SCP2: variants seen among roughly 807,000 people sequenced by gnomAD.
SCP2 encodes SCP-2/3-oxoacyl-CoA thiolase.
In SCP2, 48 loss-of-function variants were observed where a neutral mutation model predicts 71.4. The ratio of observed to expected loss-of-function variants is 0.67; its 90% confidence interval spans 0.53 to 0.86. The LOEUF is 0.86. Ranked by LOEUF, SCP2 falls within the 40% of genes least tolerant of loss-of-function variation. The pLI is 0.00. For missense variants in SCP2, 560 were observed against 655.6 expected (o/e 0.85, Z 1.59); for synonymous variants, 220 against 218.1 (o/e 1.01, Z -0.08).
chr1:52,998,496 C>T (rs115816054), intron 11 of SCP2, among the ~76,000 whole-genome samples: 5,657 of 151,712 alleles, frequency 0.037, 210 homozygotes, highest in East Asian at 0.2. Flanking sequence ...CCCAAGAGGC[C>T]GAGGTAGGGG....
chr1:52,961,269 A>C (rs1656418845), intron 5 of SCP2, among the ~76,000 whole-genome samples: 1 of 151,240 alleles, frequency 6.6e-6, no homozygotes, highest in East Asian at 1.9e-4. Context: ...ACTGGCACAT[A>C]CTGGATGCCC....
chr1:53,020,854 T>A (rs147624894), intron 12 of SCP2, among the ~76,000 whole-genome samples: 1 of 152,146 alleles, frequency 6.6e-6, no homozygotes, highest in East Asian at 1.9e-4. Context: ...GAGTAGCTGA[T>A]TACAAATGAA....
intron 14 of SCP2, among the ~76,000 whole-genome samples, chr1:53,041,620 G>A (rs1009573183): frequency 8.5e-5 from 13 of 152,172 alleles, no homozygotes; most frequent in Admixed American, 6.5e-4. Context: ...TGTTGCCACT[G>A]TCTAAGTGAG....
At chr1:53,035,886 A>G (rs944562272) in intron 13 of SCP2, among the ~76,000 whole-genome samples, 3 of 151,828 alleles carry the variant, frequency 2.0e-5, no homozygotes, top group Non-Finnish European at 4.4e-5. Flanking sequence ...CGGGCGTGGT[A>G]GCGGGCGCCT....
At chr1:52,933,538 T>C (rs1314250073) in intron 1 of SCP2, among the ~76,000 whole-genome samples, 1 of 152,254 alleles carries the variant, frequency 6.6e-6, no homozygotes, top group Non-Finnish European at 1.5e-5. Context: ...GGGAACCTAC[T>C]CATTGTCTTG....
At chr1:52,975,265 C>T (rs1473274186) in intron 7 of SCP2, among the ~76,000 whole-genome samples, 2 of 152,098 alleles carry the variant, frequency 1.3e-5, no homozygotes, top group East Asian at 3.9e-4. Context: ...ACTGCAACCT[C>T]TGTGCCCTGG....
At chr1:52,993,375 C>A in intron 11 of SCP2, 2 of 1,614,174 alleles carry the variant, frequency 1.2e-6, no homozygotes, top group Non-Finnish European at 1.7e-6. Context: ...AGTTGCCGTG[C>A]TAACTGCCGT....
intron 11 of SCP2, among the ~76,000 whole-genome samples, chr1:53,011,012 A>G (rs1660956846): frequency 6.6e-6 from 1 of 152,178 alleles, no homozygotes; most frequent in Admixed American, 6.5e-5. Context: ...GTCTCTTCAC[A>G]TGGACGTGCG....
intron 1 of SCP2, among the ~76,000 whole-genome samples, chr1:52,938,281 T>C (rs572584034): frequency 7.9e-5 from 12 of 152,336 alleles, no homozygotes; most frequent in Admixed American, 1.3e-4. Context: ...TTGCTTCACT[T>C]ATGTATGTAT....
rs540995660 is a variant in SCP2, at chr1:53,006,140, A to T, written c.1082-8750A>T. 1.8e-4 allele frequency among the ~76,000 whole-genome samples: 27 copies of T among 152,346 alleles called. No individual in the cohort carries two copies. The East Asian group carries it at 3.7e-3, about 21-fold the overall frequency. Reference sequence around the variant, plus strand: ...AATATGGGACTATGTGAAAAGACCAAATCTACGTCTGACTGGTGTACCTGA... The same window carrying T: ...AATATGGGACTATGTGAAAAGACCATATCTACGTCTGACTGGTGTACCTGA... On this transcript the variant is annotated intron_variant, in intron 11 of 15. Transcript: ENST00000371514.
At chr1:53,001,022 C>T (rs1290649108) in intron 11 of SCP2, among the ~76,000 whole-genome samples, 3 of 151,930 alleles carry the variant, frequency 2.0e-5, no homozygotes, top group African/African-American at 7.3e-5. Context: ...TGTTCCTGTC[C>T]TACCCTTAGA....
Position 52,988,118 on chromosome 1 carries a change from C to T in SCP2, c.1063C>T (p.His355Tyr). 1 of 1,569,874 alleles carries T rather than the reference C, an allele frequency of 6.4e-7. No individual in the cohort carries two copies. Among genetic ancestry groups the T allele is most frequent in the East Asian group, 2.2e-5 (1 of 44,576 alleles). ...NPSGGLISKG[H>Y]PLGATGLAQC... ...TAGTGGTGGACTGATTTCAAAGGGA[C>T]ACCCACTAGGCGCTACAGGTAATGC... Residue 355 changes from histidine to tyrosine, a missense_variant, in exon 11 of 16, where the codon CAC becomes TAC. Around this residue, in one of 3 missense-constraint regions of SCP2, gnomAD observed 513 missense variants for 573.1 expected, o/e 0.90. Transcript: ENST00000371514.
chr1:53,038,264 A>ATATGT (rs778652721), intron 13 of SCP2, among the ~76,000 whole-genome samples: 12,470 of 151,574 alleles, frequency 0.082, 950 homozygotes, highest in Admixed American at 0.19. Context: ...ACACACACAC[A>ATATGT]CACGGAGAAG....
chr1:52,951,323 A>C (rs1655279638), intron 4 of SCP2, among the ~76,000 whole-genome samples: 1 of 151,958 alleles, frequency 6.6e-6, no homozygotes, highest in Non-Finnish European at 1.5e-5. Context: ...TTTATCAGCC[A>C]GGCATGGTGG....
At chr1:52,981,484 T>G (rs1572133771) in intron 10 of SCP2, among the ~76,000 whole-genome samples, 1 of 151,752 alleles carries the variant, frequency 6.6e-6, no homozygotes, top group East Asian at 1.9e-4. Flanking sequence ...TCACCCAGGC[T>G]GGAGTGCAAT....
chr1:52,993,667 T>G (rs971141646), intron 11 of SCP2: 1 of 1,612,198 alleles, frequency 6.2e-7, no homozygotes, highest in African/African-American at 1.3e-5. Flanking sequence ...TGTAAGAATC[T>G]TCATTGGTTG....
chr1:53,017,061 A>G (rs1319054478), intron 12 of SCP2, among the ~76,000 whole-genome samples: 1 of 152,250 alleles, frequency 6.6e-6, no homozygotes, highest in Non-Finnish European at 1.5e-5. Context: ...TTGAACATGA[A>G]TATCAACTTT....
chr1:52,958,024 A>G (rs1006983867), intron 5 of SCP2, among the ~76,000 whole-genome samples: 1 of 152,068 alleles, frequency 6.6e-6, no homozygotes, highest in Non-Finnish European at 1.5e-5. Flanking sequence ...TTTGTTGAAA[A>G]GATTATCTTT....
chr1:52,949,352 T>C (rs552929974), intron 3 of SCP2, among the ~76,000 whole-genome samples: 6 of 152,330 alleles, frequency 3.9e-5, no homozygotes, highest in African/African-American at 1.4e-4. Flanking sequence ...CATGTCTACC[T>C]TGGTGGTCAT....
Sources: gnomAD v4.1 joint callset for allele counts (sites outside exome capture counted in the v4.1 genomes callset) on GRCh38, gnomAD v4.1.1 for gene constraint, gnomAD v4.1.1 regional missense constraint, MANE v1.5 for transcripts, NCBI Gene and HGNC (gene_info 2026-07-23, HGNC 2026-07-21) for gene names.